RNF212B: variants seen among roughly 807,000 people sequenced by gnomAD.
The protein encoded by RNF212B is E3 ubiquitin-protein ligase RNF212B.
RNF212B carries 52 observed loss-of-function variants against 55.5 expected under a neutral mutation model. The observed-to-expected ratio is 0.94, with a 90% CI of 0.75 to 1.18. The LOEUF (loss-of-function observed/expected upper bound fraction) is 1.18, where lower values mean the gene tolerates loss of function less well. Among genes scored for constraint, RNF212B ranks in the 50% most tolerant of loss-of-function variants. RNF212B has a pLI of 0.00. For synonymous variants in RNF212B, 99 were observed against 121.4 expected, an observed-to-expected ratio of 0.82 and a Z score of 1.21; for missense variants, 289 against 350.4, an observed-to-expected ratio of 0.82 and a Z score of 1.40.
At chr14:23,226,041 T>A (rs1881974568) in intron 2 of RNF212B, among the ~76,000 whole-genome samples, 1 of 152,000 alleles carries the variant, frequency 6.6e-6, no homozygotes. Flanking sequence ...GGCTCACGCC[T>A]GTAATCTCAG....
chr14:23,218,831 AG>A (rs1881318334), intron 2 of RNF212B, among the ~76,000 whole-genome samples: 1 of 152,154 alleles, frequency 6.6e-6, no homozygotes, highest in East Asian at 1.9e-4. Context: ...TCAACATTCA[AG>A]TACAGGAAAG....
chr14:23,248,440 CTTT>C, intron 4 of RNF212B, among the ~76,000 whole-genome samples: 1 of 112,836 alleles, frequency 8.9e-6, no homozygotes, highest in Admixed American at 9.3e-5. Context: ...CCCCAAGCCT[CTTT>C]TTTTTTTTTT....
upstream of RNF212B, among the ~76,000 whole-genome samples, chr14:23,233,873 G>A (rs903485611): frequency 1.2e-4 from 18 of 152,104 alleles, no homozygotes; most frequent in African/African-American, 4.1e-4. Context: ...AAGGTGGGCG[G>A]ATCACCTGAG....
chr14:23,272,270 A>G (rs573762696), intron 14 of RNF212B, among the ~76,000 whole-genome samples: 9 of 152,214 alleles, frequency 5.9e-5, no homozygotes, highest in African/African-American at 2.2e-4. Context: ...AGTACAAAAA[A>G]TTAGCCGGGC....
At chr14:23,257,677 C>T (rs753825361) in intron 4 of RNF212B, among the ~76,000 whole-genome samples, 11 of 152,046 alleles carry the variant, frequency 7.2e-5, no homozygotes, top group African/African-American at 2.2e-4. Flanking sequence ...ACTTTTGATC[C>T]GATTCAGCAA....
At chr14:23,217,661 C>T (rs1208166829) in intron 2 of RNF212B, among the ~76,000 whole-genome samples, 1 of 152,076 alleles carries the variant, frequency 6.6e-6, no homozygotes, top group Admixed American at 6.5e-5. Context: ...CAGATCACAT[C>T]CAAGACCACC....
At chr14:23,248,770 C>G (rs1884194453) in intron 4 of RNF212B, among the ~76,000 whole-genome samples, 1 of 152,118 alleles carries the variant, frequency 6.6e-6, no homozygotes, top group Non-Finnish European at 1.5e-5. Flanking sequence ...GACACTAATC[C>G]CATTCACAAG....
intron 4 of RNF212B, among the ~76,000 whole-genome samples, chr14:23,251,346 C>T (rs1884388987): frequency 6.6e-6 from 1 of 152,204 alleles, no homozygotes; most frequent in African/African-American, 2.4e-5. Context: ...ACTGCCCCGA[C>T]TCTGGACACC....
At chr14:23,268,821 TA>T in intron 11 of RNF212B, 102 bp from the exon 12 acceptor site, 1 of 963,398 alleles carries the variant, frequency 1.0e-6, no homozygotes, top group South Asian at 1.4e-5. Context: ...ACCCATATAC[TA>T]AAAATCTTTT....
chr14:23,240,135 A>G (rs1317222923), intron 1 of RNF212B, among the ~76,000 whole-genome samples: 1 of 152,014 alleles, frequency 6.6e-6, no homozygotes, highest in Non-Finnish European at 1.5e-5. Context: ...ATAAAATGTT[A>G]TAACAACCTG....
intron 1 of RNF212B, among the ~76,000 whole-genome samples, chr14:23,187,060 A>C (rs1444060768): frequency 2.0e-5 from 3 of 152,038 alleles, no homozygotes; most frequent in East Asian, 3.9e-4. Flanking sequence ...CCCCCTTCGC[A>C]CAGTCCTCAG....
At chr14:23,238,888 A>G (rs1311018725) in intron 1 of RNF212B, among the ~76,000 whole-genome samples, 1 of 152,068 alleles carries the variant, frequency 6.6e-6, no homozygotes, top group African/African-American at 2.4e-5. Context: ...TGTCTAACAC[A>G]AAAGTTATTT....
At chr14:23,194,155 C>T (rs2140358897) in intron 2 of RNF212B, among the ~76,000 whole-genome samples, 1 of 151,950 alleles carries the variant, frequency 6.6e-6, no homozygotes, top group South Asian at 2.1e-4. Flanking sequence ...TATACTATCA[C>T]TTAAAAATTA....
At chr14:23,232,374 C>T (rs1882716313) in intron 2 of RNF212B, among the ~76,000 whole-genome samples, 1 of 151,932 alleles carries the variant, frequency 6.6e-6, no homozygotes, top group Non-Finnish European at 1.5e-5. Flanking sequence ...TGGCAGCCAC[C>T]CCATCTGAGA....
At chr14:23,257,544 T>C (rs1388281993) in intron 4 of RNF212B, among the ~76,000 whole-genome samples, 1 of 152,098 alleles carries the variant, frequency 6.6e-6, no homozygotes, top group Admixed American at 6.6e-5. Context: ...TACCAAGATC[T>C]AGGAAAGGAC....
intron 2 of RNF212B, among the ~76,000 whole-genome samples, chr14:23,224,285 A>C (rs1881819886): frequency 6.6e-6 from 1 of 152,170 alleles, no homozygotes; most frequent in African/African-American, 2.4e-5. Flanking sequence ...GAAGACCCAG[A>C]ATAGCCAAAG....
chr14:23,217,261 G>GGC (rs1230421495), intron 2 of RNF212B, among the ~76,000 whole-genome samples: 1 of 145,506 alleles, frequency 6.9e-6, no homozygotes, highest in Admixed American at 7.0e-5. Context: ...GTGGTGGGGG[G>GGC]GGGGCTCCTC....
rs1183907201 is a variant in RNF212B at position 23,229,220 on chromosome 14, T to TTTTATA, written c.-1-11124_-1-11123insTTATAT. On this transcript the variant is annotated intron_variant, in intron 2 of 15. Transcript: ENST00000399910. ...ATTTCCTTTATGGCTGAATAATATTTTATATATATATATATATATATATAT... is the reference window on the plus strand; with the variant it reads ...ATTTCCTTTATGGCTGAATAATATTTTTTATATATATATATATATATATATATATAT... 3.6e-3 allele frequency among the ~76,000 whole-genome samples: 231 copies of TTTTATA among 64,918 alleles called. 1 individual carries two copies. Among genetic ancestry groups the TTTTATA allele is most frequent in the South Asian group, 5.1e-3 (5 of 990 alleles). 42.6% of individuals were successfully genotyped at this position (64,918 alleles called of 152,430 possible).
intron 4 of RNF212B, among the ~76,000 whole-genome samples, chr14:23,246,543 C>A (rs1409442221): frequency 6.6e-6 from 1 of 152,010 alleles, no homozygotes; most frequent in Non-Finnish European, 1.5e-5. Flanking sequence ...TTGTAAAGAT[C>A]CAATGAGACA....
Sources: gnomAD v4.1 joint callset for allele counts (sites outside exome capture counted in the v4.1 genomes callset) on GRCh38, gnomAD v4.1.1 for gene constraint, MANE v1.5 for transcripts, NCBI Gene and HGNC (gene_info 2026-07-23, HGNC 2026-07-21) for gene names.